Variants in BICC1 observed in about 807,000 individuals in gnomAD.
BICC1 encodes BicC family RNA binding protein 1.
Under a neutral mutation model 111.0 loss-of-function variants are expected in BICC1, and 43 were observed. The observed-to-expected ratio is 0.39, with a 90% confidence interval of 0.30 to 0.50. BICC1 has a LOEUF of 0.50. BICC1 is among the 20% of genes least tolerant of loss of function. The pLI, the probability that BICC1 is intolerant of heterozygous loss-of-function variation, is 0.88. For synonymous variants in BICC1, 467 were observed against 434.4 expected (o/e 1.07, Z -0.93); for missense variants, 1,091 against 1,203.2 (o/e 0.91, Z 1.38).
chr10:58,634,978 A>G (rs891348098), intron 2 of BICC1, among the ~76,000 whole-genome samples: 1 of 152,128 alleles, frequency 6.6e-6, no homozygotes, highest in African/African-American at 2.4e-5. Flanking sequence ...AGAAGGTGGA[A>G]AAAGAGGAGA....
chr10:58,823,340 G>A (rs1844305817), intron 20 of BICC1: 2 of 985,298 alleles, frequency 2.0e-6, no homozygotes, highest in Admixed American at 1.2e-4. Flanking sequence ...TAGGCTTACT[G>A]AAAAATATTA....
chr10:58,648,476 A>G, intron 2 of BICC1: 1 of 978,088 alleles, frequency 1.0e-6, no homozygotes, highest in Non-Finnish European at 1.2e-6. Flanking sequence ...TCTGGCATGT[A>G]GAATACTCTT....
chr10:58,798,630 C>T (rs181012000), intron 11 of BICC1, 70 bp downstream of exon 11: 109 of 1,355,932 alleles, frequency 8.0e-5, no homozygotes, highest in East Asian at 1.3e-4. Context: ...ATAAAATTTA[C>T]GAAGGGCTCA....
At chr10:58,690,591 A>G (rs1040641685) in intron 2 of BICC1, among the ~76,000 whole-genome samples, 17 of 151,796 alleles carry the variant, frequency 1.1e-4, no homozygotes, top group African/African-American at 3.4e-4. Flanking sequence ...TTCAATATTT[A>G]CTCTTTGTCT....
At chr10:58,722,734 G>T (rs1589062894) in intron 3 of BICC1, among the ~76,000 whole-genome samples, 2 of 152,282 alleles carry the variant, frequency 1.3e-5, no homozygotes, top group East Asian at 3.9e-4. Context: ...AAAGAAGATG[G>T]TAATAGATAG....
chr10:58,709,358 T>A (rs1284761037), intron 3 of BICC1, among the ~76,000 whole-genome samples: 1 of 152,238 alleles, frequency 6.6e-6, no homozygotes, highest in Non-Finnish European at 1.5e-5. Flanking sequence ...GGGTATTGTT[T>A]AGTAAAACTT....
intron 1 of BICC1, among the ~76,000 whole-genome samples, 188 bp downstream of exon 1, chr10:58,513,521 G>A (rs1446135054): frequency 1.3e-5 from 2 of 152,158 alleles, no homozygotes; most frequent in Non-Finnish European, 2.9e-5. Context: ...ACCCTTCCAC[G>A]CCTCTCAGAT....
intron 3 of BICC1, among the ~76,000 whole-genome samples, chr10:58,771,057 G>A (rs534805394): frequency 6.6e-6 from 1 of 152,072 alleles, no homozygotes; most frequent in Non-Finnish European, 1.5e-5. Context: ...TATTTCTATG[G>A]ACACCTACTT....
chr10:58,567,564 C>G (rs1049666236), intron 1 of BICC1, among the ~76,000 whole-genome samples: 2 of 150,630 alleles, frequency 1.3e-5, no homozygotes, highest in Non-Finnish European at 3.0e-5. Context: ...ATATATATAT[C>G]CCCTAAAATT....
At chr10:58,515,346 G>C (rs1842214535) in intron 1 of BICC1, among the ~76,000 whole-genome samples, 1 of 152,156 alleles carries the variant, frequency 6.6e-6, no homozygotes, top group Admixed American at 6.5e-5. Flanking sequence ...ATGGAGTGTA[G>C]TTACACAAAC....
chr10:58,578,386 G>A lies in BICC1; in HGVS notation c.191-42469G>A, dbSNP rs577661498. On this transcript the variant is annotated intron_variant, in intron 1 of 20. Transcript: ENST00000373886. ...GTGATCTACCTTTGTCTTTTCCAAC[G>A]TCGGGCCCACATTGTATTTCAATAC... Among the ~76,000 whole-genome samples, 19 of 151,934 alleles carry A rather than the reference G, an allele frequency of 1.3e-4. No homozygotes were observed. The South Asian group carries it at 1.7e-3, about 13-fold the overall frequency.
At chr10:58,827,762 A>G (rs1844440531) in intron 20 of BICC1, among the ~76,000 whole-genome samples, 1 of 152,284 alleles carries the variant, frequency 6.6e-6, no homozygotes. Flanking sequence ...AGAAATGAAA[A>G]AAGCAAAAAT....
At chr10:58,748,227 T>G (rs1048353775) in intron 3 of BICC1, among the ~76,000 whole-genome samples, 4 of 152,124 alleles carry the variant, frequency 2.6e-5, no homozygotes, top group African/African-American at 9.7e-5. Context: ...CCAGGCAGTG[T>G]TCTAGGGACT....
intron 1 of BICC1, among the ~76,000 whole-genome samples, chr10:58,536,751 A>G (rs73298507): frequency 0.026 from 3,884 of 151,924 alleles, 180 homozygotes; most frequent in African/African-American, 0.09. Flanking sequence ...ACAAAAATCA[A>G]TGAAACAAAA....
At chr10:58,796,556 A>G (rs559924811) in intron 10 of BICC1, 30 bp downstream of exon 10, 3 of 1,574,892 alleles carry the variant, frequency 1.9e-6, no homozygotes, top group Non-Finnish European at 1.7e-6. Context: ...AGCGCGTCTC[A>G]GTCACTGGGG....
intron 1 of BICC1, among the ~76,000 whole-genome samples, chr10:58,547,416 A>G (rs565095585): frequency 5.3e-5 from 8 of 152,262 alleles, no homozygotes; most frequent in African/African-American, 1.9e-4. Flanking sequence ...AAAGAGGTAA[A>G]GTACCATTCT....
Position 58,741,156 on chromosome 10 carries a change from G to A in BICC1, c.307+39013G>A, listed in dbSNP as rs552439767. Reference sequence around the variant, plus strand: ...ATTTCTGGGTGGAGAATCACCTGAAGAGGGCAGACGAGTTGTTGGAAGGTG... The same window carrying A: ...ATTTCTGGGTGGAGAATCACCTGAAAAGGGCAGACGAGTTGTTGGAAGGTG... On this transcript the variant is annotated intron_variant, in intron 3 of 20. Coordinates refer to ENST00000373886, the MANE Select transcript of BICC1 (RefSeq NM_001080512.3). Among the ~76,000 whole-genome samples, 10 of 152,342 alleles carry A rather than the reference G, an allele frequency of 6.6e-5. No homozygotes were observed. In the South Asian group the frequency reaches 1.7e-3, roughly 25 times the overall value.
At chr10:58,575,111 C>T (rs533256539) in intron 1 of BICC1, among the ~76,000 whole-genome samples, 5 of 151,672 alleles carry the variant, frequency 3.3e-5, no homozygotes, top group African/African-American at 1.2e-4. Context: ...TTTGCTGCAC[C>T]TATCAACTCA....
At chr10:58,513,645 C>T (rs1842160036) in intron 1 of BICC1, among the ~76,000 whole-genome samples, 1 of 152,238 alleles carries the variant, frequency 6.6e-6, no homozygotes, top group Non-Finnish European at 1.5e-5. Flanking sequence ...CAACTTTAGC[C>T]CGGACACCTG....
Sources: allele counts gnomAD v4.1 joint callset (sites outside exome capture counted in the v4.1 genomes callset), GRCh38; gene constraint gnomAD v4.1.1; transcripts MANE v1.5; gene names NCBI Gene and HGNC (gene_info 2026-07-23, HGNC 2026-07-21).